The following LRRC37A variants were observed in gnomAD, a reference collection of about 807,000 sequenced individuals.
LRRC37A encodes the protein leucine-rich repeat-containing protein 37A.
LRRC37A carries 3 observed loss-of-function variants against 35.4 expected under a neutral mutation model. That is an observed-to-expected ratio of 0.08 (90% CI 0.04 to 0.22). LRRC37A has a LOEUF of 0.22. LRRC37A is among the 10% of genes least tolerant of loss of function. The probability of loss-of-function intolerance (pLI) is 1.00; values close to 1 mark genes in which losing one functional copy is unlikely to be tolerated. For synonymous variants in LRRC37A, 23 were observed against 215.0 expected, an observed-to-expected ratio of 0.11 and a Z score of 7.81; for missense variants, 67 against 565.3, an observed-to-expected ratio of 0.12 and a Z score of 8.94.
chr17:46,248,596 T>C, the LRRC37A span, among the ~76,000 whole-genome samples: 1 of 152,062 alleles, frequency 6.6e-6, no homozygotes, highest in African/African-American at 2.4e-5. Context: ...CTAGACTCAC[T>C]GCAACCTCCA....
At chr17:46,268,748 A>AGAT in the LRRC37A span, 1 of 1,275,318 alleles carries the variant, frequency 7.8e-7, no homozygotes, top group Non-Finnish European at 1.0e-6. Context: ...CAAGACATGA[A>AGAT]AGGTCTATCT....
At chr17:46,270,061 T>C in the LRRC37A span, among the ~76,000 whole-genome samples, 1 of 152,242 alleles carries the variant, frequency 6.6e-6, no homozygotes, top group Non-Finnish European at 1.5e-5. Flanking sequence ...AAGATAAGGC[T>C]GTACTTCAGT....
the LRRC37A span, among the ~76,000 whole-genome samples, chr17:46,283,763 G>A: frequency 0.12 from 18,461 of 152,104 alleles, no homozygotes; most frequent in Non-Finnish European, 0.18. Flanking sequence ...GGATGCTGCC[G>A]GCCTCTGAGT....
At chr17:46,267,291 A>G in the LRRC37A span, 1 of 1,239,552 alleles carries the variant, frequency 8.1e-7, no homozygotes, top group Non-Finnish European at 1.1e-6. Flanking sequence ...TGGGAGAGGA[A>G]CTGGGGTTCC....
At chr17:46,272,158 T>C in the LRRC37A span, among the ~76,000 whole-genome samples, 3 of 152,402 alleles carry the variant, frequency 2.0e-5, no homozygotes, top group Non-Finnish European at 4.4e-5. Context: ...GATTGTGAAC[T>C]TGGCAGGTGA....
chr17:46,291,057 T>C (rs897237471), upstream of LRRC37A, among the ~76,000 whole-genome samples: 1 of 152,262 alleles, frequency 6.6e-6, no homozygotes, highest in Admixed American at 6.5e-5. Context: ...CTATAGACTA[T>C]CTAGTCTCAT....
the LRRC37A span, among the ~76,000 whole-genome samples, chr17:46,249,693 T>C: frequency 6.6e-6 from 1 of 152,114 alleles, no homozygotes; most frequent in Non-Finnish European, 1.5e-5. Flanking sequence ...GGTGGGGAGC[T>C]GTAGGACCAG....
At chr17:46,321,357 GAA>G (rs763727306) in intron 5 of LRRC37A, among the ~76,000 whole-genome samples, 8 of 31,362 alleles carry the variant, frequency 2.6e-4, no homozygotes, top group Admixed American at 1.1e-3. Flanking sequence ...CTCCGTCTCA[GAA>G]AAAAAAAAAA....
chr17:46,285,588 C>T, the LRRC37A span, among the ~76,000 whole-genome samples: 1 of 152,210 alleles, frequency 6.6e-6, no homozygotes, highest in Admixed American at 6.5e-5. Flanking sequence ...TCTAATCATA[C>T]TGTTTCTCAA....
At chr17:46,289,024 A>G (rs1445358192), upstream of LRRC37A, among the ~76,000 whole-genome samples, 1 of 151,948 alleles carries the variant, frequency 6.6e-6, no homozygotes, top group South Asian at 2.1e-4. Flanking sequence ...CTCAATATGC[A>G]TTTTGCCATA....
upstream of LRRC37A, among the ~76,000 whole-genome samples, chr17:46,291,506 C>A (rs2050066738): frequency 6.7e-6 from 1 of 150,288 alleles, no homozygotes; most frequent in Admixed American, 6.6e-5. Flanking sequence ...AGGCTCCCTG[C>A]TGGAAGTTAA....
chr17:46,276,391 T>C, the LRRC37A span, among the ~76,000 whole-genome samples: 1 of 152,230 alleles, frequency 6.6e-6, no homozygotes. Context: ...CATTAAAAAA[T>C]TATATTAGCT....
intron 1 of LRRC37A, among the ~76,000 whole-genome samples, chr17:46,298,766 A>G (rs540031298): frequency 1.0e-5 from 1 of 96,084 alleles, no homozygotes; most frequent in East Asian, 6.5e-4. Context: ...GAAGAAAGAG[A>G]ATAGGCATAA....
chr17:46,281,022 A>G, the LRRC37A span, among the ~76,000 whole-genome samples: 5 of 151,414 alleles, frequency 3.3e-5, no homozygotes, highest in Non-Finnish European at 5.9e-5. Flanking sequence ...AAACTTTTAG[A>G]TTTATTCTTC....
the LRRC37A span, among the ~76,000 whole-genome samples, chr17:46,279,898 G>C: frequency 6.6e-6 from 1 of 152,052 alleles, no homozygotes. Flanking sequence ...ATGTTTTTCT[G>C]TCTTAAACAA....
the LRRC37A span, among the ~76,000 whole-genome samples, chr17:46,274,010 C>A: frequency 6.6e-6 from 1 of 152,186 alleles, no homozygotes; most frequent in Non-Finnish European, 1.5e-5. Flanking sequence ...GGATTAGCAC[C>A]CCTGAAGATT....
At chr17:46,291,391 G>A (rs2050062270), upstream of LRRC37A, among the ~76,000 whole-genome samples, 1 of 151,910 alleles carries the variant, frequency 6.6e-6, no homozygotes, top group Non-Finnish European at 1.5e-5. Flanking sequence ...AAAACTGCAG[G>A]CCTTCTAGAC....
the LRRC37A span, chr17:46,267,359 G>A: frequency 1.9e-6 from 3 of 1,579,232 alleles, no homozygotes; most frequent in African/African-American, 4.1e-5. Context: ...GACGTGCTGG[G>A]CGCGGGCATC....
chr17:46,251,485 C>A, the LRRC37A span, among the ~76,000 whole-genome samples: 1 of 151,904 alleles, frequency 6.6e-6, no homozygotes. Flanking sequence ...CTCAAACTCC[C>A]AACCTTAGGT....
Sources: allele counts gnomAD v4.1 joint callset (sites outside exome capture counted in the v4.1 genomes callset), GRCh38; gene constraint gnomAD v4.1.1; transcripts MANE v1.5; gene names NCBI Gene and HGNC (gene_info 2026-07-23, HGNC 2026-07-21).